Variants in ARHGAP15 observed in about 807,000 individuals in gnomAD.
ARHGAP15 encodes the protein Rho GTPase activating protein 15.
In ARHGAP15, 51 loss-of-function variants were observed where a neutral mutation model predicts 63.7. That is an observed-to-expected ratio of 0.80 (90% confidence interval 0.64 to 1.01). The LOEUF (loss-of-function observed/expected upper bound fraction) is 1.01, where lower values mean the gene tolerates loss of function less well. Among genes scored for constraint, ARHGAP15 ranks in the 50% least tolerant of loss-of-function variants. The pLI, the probability that ARHGAP15 is intolerant of heterozygous loss-of-function variation, is 0.00. For missense variants in ARHGAP15, 560 were observed against 564.6 expected, an observed-to-expected ratio of 0.99 and a Z score of 0.08; for synonymous variants, 191 against 193.8, an observed-to-expected ratio of 0.99 and a Z score of 0.12.
In ARHGAP15 at chr2:143,637,709, TG is replaced by T. The variant is rs1383206868; in HGVS notation, c.1138+13446del. ...GTTAGAGATAAAAATTTACAACATTTGGGGAGGAAATTCAAATATTGTGCCA... is the reference window on the plus strand; with the variant it reads ...GTTAGAGATAAAAATTTACAACATTTGGGAGGAAATTCAAATATTGTGCCA... On this transcript the variant is annotated intron_variant, in intron 12 of 13. Transcript: ENST00000295095. Among the ~76,000 whole-genome samples, 7 of 149,524 alleles carry T rather than the reference TG, an allele frequency of 4.7e-5. No homozygotes were observed. The East Asian group carries it at 1.2e-3, about 25-fold the overall frequency.
At chr2:143,197,344 A>G (rs1691919131) in intron 2 of ARHGAP15, among the ~76,000 whole-genome samples, 1 of 151,976 alleles carries the variant, frequency 6.6e-6, no homozygotes, top group Admixed American at 6.6e-5. Flanking sequence ...ATGTCCCATA[A>G]TAATTTGTAA....
chr2:143,612,746 A>G (rs1433528467), intron 11 of ARHGAP15, among the ~76,000 whole-genome samples: 1 of 152,232 alleles, frequency 6.6e-6, no homozygotes, highest in East Asian at 1.9e-4. Context: ...TTGAGGTTTT[A>G]GGTGGAGCCA....
chr2:143,748,787 A>G (rs1314165711), intron 13 of ARHGAP15, among the ~76,000 whole-genome samples: 2 of 152,190 alleles, frequency 1.3e-5, no homozygotes, highest in Non-Finnish European at 2.9e-5. Flanking sequence ...AGGAGGCCCA[A>G]ATAATCAACT....
chr2:143,732,336 T>G (rs1206683409), intron 13 of ARHGAP15, among the ~76,000 whole-genome samples: 8 of 152,258 alleles, frequency 5.3e-5, no homozygotes, highest in Admixed American at 5.2e-4. Context: ...TTTGGAATAC[T>G]ACCTTCATCC....
At chr2:143,725,631 T>C (rs1685240048) in intron 13 of ARHGAP15, among the ~76,000 whole-genome samples, 1 of 152,248 alleles carries the variant, frequency 6.6e-6, no homozygotes, top group Non-Finnish European at 1.5e-5. Context: ...TTAGACATAG[T>C]TATGGCAATG....
chr2:143,311,975 C>T (rs1037785286), intron 6 of ARHGAP15, among the ~76,000 whole-genome samples: 2 of 152,054 alleles, frequency 1.3e-5, no homozygotes, highest in Non-Finnish European at 2.9e-5. Context: ...TTTCCCTCTT[C>T]ACCCTCTACT....
chr2:143,172,736 A>G (rs1690840102), intron 2 of ARHGAP15, among the ~76,000 whole-genome samples: 1 of 152,106 alleles, frequency 6.6e-6, no homozygotes, highest in South Asian at 2.1e-4. Flanking sequence ...GTGAGATGTC[A>G]AGTGGGTCAT....
chr2:143,438,669 G>T (rs894223192), intron 8 of ARHGAP15, among the ~76,000 whole-genome samples: 2 of 152,102 alleles, frequency 1.3e-5, no homozygotes, highest in Non-Finnish European at 2.9e-5. Flanking sequence ...TTCCATAATG[G>T]TACAGTTTAG....
At chr2:143,157,417 T>G (rs1212890028) in intron 2 of ARHGAP15, among the ~76,000 whole-genome samples, 1 of 151,892 alleles carries the variant, frequency 6.6e-6, no homozygotes, top group Non-Finnish European at 1.5e-5. Flanking sequence ...GATATTACCT[T>G]GTTACATAAC....
chr2:143,599,156 T>C (rs751362190), intron 11 of ARHGAP15, among the ~76,000 whole-genome samples: 1 of 152,076 alleles, frequency 6.6e-6, no homozygotes, highest in Non-Finnish European at 1.5e-5. Flanking sequence ...ACACAAGCAA[T>C]AGATTCTGGA....
chr2:143,379,158 A>G (rs1686944115), intron 6 of ARHGAP15, among the ~76,000 whole-genome samples: 1 of 151,972 alleles, frequency 6.6e-6, no homozygotes, highest in Non-Finnish European at 1.5e-5. Flanking sequence ...GTGCATGCAT[A>G]CATGCCTTCC....
At chr2:143,702,879 C>T (rs1351328689) in intron 12 of ARHGAP15, among the ~76,000 whole-genome samples, 1 of 152,118 alleles carries the variant, frequency 6.6e-6, no homozygotes, top group African/African-American at 2.4e-5. Flanking sequence ...CCACTGGGCC[C>T]ATTGAGATAA....
intron 11 of ARHGAP15, among the ~76,000 whole-genome samples, chr2:143,614,168 A>G (rs1266813302): frequency 1.3e-5 from 2 of 152,134 alleles, no homozygotes; most frequent in Non-Finnish European, 2.9e-5. Flanking sequence ...GTTTAAGATC[A>G]TTATTATGTG....
chr2:143,215,282 A>G (rs1574102095), intron 3 of ARHGAP15, among the ~76,000 whole-genome samples: 1 of 141,434 alleles, frequency 7.1e-6, no homozygotes, highest in Admixed American at 7.2e-5. Context: ...TTTTCTTCTT[A>G]TTTTTTGAGA....
intron 12 of ARHGAP15, among the ~76,000 whole-genome samples, chr2:143,628,767 C>A (rs1480319337): frequency 6.6e-6 from 1 of 152,196 alleles, no homozygotes; most frequent in East Asian, 1.9e-4. Context: ...TTGTCTGCAT[C>A]AAATTAATTC....
At chr2:143,217,699 C>A (rs1692812332) in intron 4 of ARHGAP15, among the ~76,000 whole-genome samples, 1 of 152,146 alleles carries the variant, frequency 6.6e-6, no homozygotes, top group South Asian at 2.1e-4. Context: ...TTATCATGAC[C>A]TTATCAACTC....
Position 143,724,336 on chromosome 2 carries a change from T to C in ARHGAP15, c.1244+20812T>C, listed in dbSNP as rs565666910. ...TACAATACCTAATACCTCAAAGGAC[T>C]TTTAGAAAATTCAGAGTTACATGTG... On this transcript the variant is annotated intron_variant, in intron 13 of 13. Transcript: ENST00000295095. Among the ~76,000 whole-genome samples, 104 of 152,296 alleles carry C rather than the reference T, an allele frequency of 6.8e-4. 3 individuals carry two copies. The South Asian group carries it at 0.021, about 31-fold the overall frequency.
intron 12 of ARHGAP15, among the ~76,000 whole-genome samples, chr2:143,689,402 T>C (rs575928128): frequency 9.3e-4 from 141 of 152,286 alleles, no homozygotes; most frequent in African/African-American, 3.2e-3. Context: ...TGTCTAGCAG[T>C]TACTGTAAGA....
intron 6 of ARHGAP15, among the ~76,000 whole-genome samples, chr2:143,321,940 A>T (rs1684042930): frequency 6.6e-6 from 1 of 152,166 alleles, no homozygotes; most frequent in South Asian, 2.1e-4. Context: ...GGCCACAATT[A>T]TCTTCCTAAT....
Sources: gnomAD v4.1 joint callset for allele counts (sites outside exome capture counted in the v4.1 genomes callset) on GRCh38, gnomAD v4.1.1 for gene constraint, MANE v1.5 for transcripts, NCBI Gene and HGNC (gene_info 2026-07-23, HGNC 2026-07-21) for gene names.